Variants in PROCA1 observed in about 807,000 individuals in gnomAD.
PROCA1 encodes the protein protein interacting with cyclin A1.
In PROCA1, 22 loss-of-function variants were observed where a neutral mutation model predicts 23.2. The ratio of observed to expected loss-of-function variants is 0.95; its 90% CI spans 0.68 to 1.35. PROCA1 has a LOEUF of 1.35. Ranked by LOEUF, PROCA1 falls within the 40% of genes most tolerant of loss-of-function variation. The pLI is 0.00. For missense variants in PROCA1, 469 were observed against 459.8 expected, an observed-to-expected ratio of 1.02 and a Z score of -0.18; for synonymous variants, 182 against 179.2, an observed-to-expected ratio of 1.02 and a Z score of -0.12.
chr17:28,710,178 C>T (rs549544557), intron 1 of PROCA1, among the ~76,000 whole-genome samples: 6 of 151,852 alleles, frequency 4.0e-5, no homozygotes, highest in Admixed American at 1.3e-4. Context: ...AACTCCTCTG[C>T]CTTGCTGTTT....
In PROCA1 at chr17:28,703,315, C is replaced by T. The variant is rs2032215707; in HGVS notation, c.*243G>A. 1.9e-6 allele frequency: 1 copy of T among 536,118 alleles called. No individual in the cohort carries two copies. Among genetic ancestry groups the T allele is most frequent in the East Asian group, 3.1e-5 (1 of 32,266 alleles). The allele number at this position is 536,118 out of a possible 1,614,324, so 33.2% of individuals were successfully genotyped here. On this transcript the variant is annotated 3_prime_UTR_variant, in exon 5 of 5. Coordinates refer to ENST00000682792, the MANE Select transcript of PROCA1 (RefSeq NM_001366301.1). ...AGAGGGGAAGCCCTCCTTCCCACCCCAGATACACTCTTCCACCTTGTCCTA... is the reference window on the plus strand; with the variant it reads ...AGAGGGGAAGCCCTCCTTCCCACCCTAGATACACTCTTCCACCTTGTCCTA...
In PROCA1 at chr17:28,704,841, C is replaced by G; in HGVS notation, c.178G>C (p.Asp60His). ...CAGCACTTGTCAGGCTCCTTGCAGT[C>G]ACCTGAGGGGGCAGGAGTCTGGGTC... ...STDVSTFSEG[D>H]CKEPDKCCWR... The change falls in exon 3 of 5, where the codon GAC becomes CAC. Residue 60 changes from aspartate (D) to histidine (H), a missense_variant and splice_region_variant. Transcript: ENST00000682792. The G allele has an allele frequency of 6.2e-7, 1 of 1,612,172 alleles. No homozygotes were observed. The highest frequency in any genetic ancestry group is 8.5e-7 in the Non-Finnish European group (1 of 1,179,750).
chr17:28,711,524 G>A lies in PROCA1; in HGVS notation c.91+46C>T, dbSNP rs778593411. The A allele has an allele frequency of 9.2e-6, 14 of 1,514,704 alleles. No individual in the cohort carries two copies. In the Admixed American group the frequency reaches 1.4e-4, roughly 15 times the overall value. The allele number at this position is 1,514,704 out of a possible 1,614,324, so 93.8% of individuals were successfully genotyped here. ...CCCGCGTGCGCCGCTCGGGGTCTGC[G>A]AGCCGGGCCGCGCCCTCTGCCCAGC... is the stretch of plus-strand genomic sequence containing the variant. On this transcript the variant is annotated intron_variant, in intron 1 of 4. Coordinates refer to ENST00000682792, the MANE Select transcript of PROCA1 (RefSeq NM_001366301.1).
At chr17:28,711,059 G>A (rs2032757549) in intron 1 of PROCA1, 2 of 1,179,360 alleles carry the variant, frequency 1.7e-6, no homozygotes, top group African/African-American at 1.6e-5. Context: ...AGCAAGGGAG[G>A]GGCAGTGCGC....
chr17:28,711,652 G>C lies in PROCA1; in HGVS notation c.9C>G (p.Val3=). Residue 3 remains valine, a synonymous_variant, in exon 1 of 5, where the codon GTC becomes GTG. Transcript: ENST00000682792. ...ATCTTTCAATTGTGAGCGTCGTCCTGACCCACATCGCTCTCCGCCCAGGTC... is the reference window on the plus strand; with the variant it reads ...ATCTTTCAATTGTGAGCGTCGTCCTCACCCACATCGCTCTCCGCCCAGGTC... MW[V]RTTLTIERWT... is the part of the protein sequence containing the mutation. The C allele has an allele frequency of 6.2e-7, 1 of 1,612,198 alleles. No individual in the cohort carries two copies. The highest frequency in any genetic ancestry group is 2.2e-5 in the East Asian group (1 of 44,578).
intron 1 of PROCA1, among the ~76,000 whole-genome samples, chr17:28,709,815 G>A (rs1336835279): frequency 1.3e-5 from 2 of 151,562 alleles, no homozygotes; most frequent in Non-Finnish European, 2.9e-5. Flanking sequence ...TGGTCAACAT[G>A]GTGAAATCCC....
At chr17:28,711,039 A>T in intron 1 of PROCA1, 1 of 1,195,814 alleles carries the variant, frequency 8.4e-7, no homozygotes, top group Non-Finnish European at 1.1e-6. Flanking sequence ...GGAAGGAGGG[A>T]AGAGGAGGAA....
Position 28,706,770 on chromosome 17 carries a change from G to C in PROCA1, c.92-7C>G, listed in dbSNP as rs1310723946. 1.5e-6 allele frequency: 2 copies of C among 1,303,588 alleles called. No homozygotes were observed. Among genetic ancestry groups the C allele is most frequent in the Non-Finnish European group, 2.0e-6 (2 of 988,876 alleles). 80.8% of individuals were successfully genotyped at this position (1,303,588 alleles called of 1,614,324 possible). On this transcript the variant is annotated splice_polypyrimidine_tract_variant and splice_region_variant and intron_variant, in intron 1 of 4. Transcript: ENST00000682792. ...CTGGGTAACCTGTTTACATCTGAGAGAGCATAGAGTGGCAGTGGTGGCAGC... is the reference window on the plus strand; with the variant it reads ...CTGGGTAACCTGTTTACATCTGAGACAGCATAGAGTGGCAGTGGTGGCAGC...
In PROCA1 at chr17:28,703,926, CT is replaced by C; in HGVS notation, c.726del (p.Glu243ArgfsTer13). ...TCATCCATCTCCTCCTTGTCTTTCT[CT>C]TTTTCCTTTTTCTTCTTTACCTTCT... Reference protein sequence around the residue: ...VIKKVKKKKEKEKDKEEMDEK... With the variant: ...VIKKVKKKKEXEKDKEEMDEK... On this transcript the variant is annotated frameshift_variant, in exon 5 of 5. Transcript: ENST00000682792. LOFTEE classifies it high-confidence loss of function. The C allele has an allele frequency of 6.2e-7, 1 of 1,613,554 alleles. No individual in the cohort carries two copies. The highest frequency in any genetic ancestry group is 8.5e-7 in the Non-Finnish European group (1 of 1,179,826).
At chr17:28,707,338 CT>C (rs2032560411) in intron 1 of PROCA1, 1 of 153,110 alleles carries the variant, frequency 6.5e-6, no homozygotes, top group Non-Finnish European at 1.5e-5. Context: ...GGAAGGGAAA[CT>C]GATTGCTTGG....
rs1248597964 is a variant in PROCA1 at position 28,703,660 on chromosome 17, T to A, written c.993A>T (p.Arg331Ser). Reference sequence around the variant, plus strand: ...TCTTTTTGGCCTGGACTGTGTTCTCTCTCTTCCTGGGCGATGATGATTCCA... The same window carrying A: ...TCTTTTTGGCCTGGACTGTGTTCTCACTCTTCCTGGGCGATGATGATTCCA... ...DIVESSSPRK[R>S]ENTVQAKKTG... Residue 331 changes from arginine to serine, a missense_variant, in exon 5 of 5, where the codon AGA (arginine) becomes AGT (serine). Transcript: ENST00000682792. 6.2e-7 allele frequency: 1 copy of A among 1,614,222 alleles called. No individual in the cohort carries two copies. Among genetic ancestry groups the A allele is most frequent in the Admixed American group, 1.7e-5 (1 of 60,028 alleles).
In PROCA1 at chr17:28,704,091, G is replaced by A. The variant is rs1410536539; in HGVS notation, c.562C>T (p.Pro188Ser). ...EEEEESKPPI[P>S]TQVGPATASP... ...GCGGTGGCGGGCCCCACCTGTGTCG[G>A]GATGGGGGGCTTGCTTTCCTCCTCC... Residue 188 changes from proline to serine, a missense_variant, in exon 5 of 5, where the codon CCG (proline) becomes TCG (serine). Coordinates refer to ENST00000682792, the MANE Select transcript of PROCA1 (RefSeq NM_001366301.1). 1.9e-6 allele frequency: 3 copies of A among 1,587,138 alleles called. No individual in the cohort carries two copies. The highest frequency in any genetic ancestry group is 2.6e-6 in the Non-Finnish European group (3 of 1,170,976).
Position 28,703,783 on chromosome 17 carries a change from G to T in PROCA1, c.870C>A (p.Ala290=). 6.2e-7 allele frequency: 1 copy of T among 1,614,146 alleles called. No homozygotes were observed. The highest frequency in any genetic ancestry group is 8.5e-7 in the Non-Finnish European group (1 of 1,180,046). ...TTTCTGGGCTGGACTCGGACATCCT[G>T]GCCAGCTGTCTTGCGCTTAATGATC... The part of the protein sequence containing the change: ...VSRSLSARQL[A]RMSESSPESR... Residue 290 remains alanine (A), a synonymous_variant, in exon 5 of 5, where the codon GCC becomes GCA. Transcript: ENST00000682792.
intron 2 of PROCA1, chr17:28,706,063 C>T (rs2032459521): frequency 6.5e-6 from 1 of 152,908 alleles, no homozygotes; most frequent in East Asian, 1.9e-4. Flanking sequence ...ACCCACATTT[C>T]TTCCTCCTTC....
At chr17:28,711,539 C>G (rs2032785930) in intron 1 of PROCA1, 31 bp downstream of exon 1, 1 of 1,572,478 alleles carries the variant, frequency 6.4e-7, no homozygotes, top group Non-Finnish European at 8.6e-7. Context: ...GGGCCGCGCC[C>G]TCTGCCCAGC....
In PROCA1 at chr17:28,703,874, T is replaced by C. The variant is rs2032269067; in HGVS notation, c.779A>G (p.Lys260Arg). ...TTTCTTCTTAGTCAACTGGCCTTTC[T>C]TGGCTTTTTTCTTCAGCTTTGCCTT... Reference protein sequence around the residue: ...DEKAKLKKKAKKGQLTKKKSP... With the variant: ...DEKAKLKKKARKGQLTKKKSP... Residue 260 changes from lysine to arginine, a missense_variant, in exon 5 of 5, where the codon AAG (lysine) becomes AGG (arginine). By Grantham distance (26) the Lys-to-Arg change is conservative (BLOSUM62 2). Transcript: ENST00000682792. The C allele has an allele frequency of 1.2e-6, 2 of 1,614,054 alleles. No homozygotes were observed. Among genetic ancestry groups the C allele is most frequent in the Middle Eastern group, 1.6e-4 (1 of 6,084 alleles).
chr17:28,711,482 C>A (rs2032781872), intron 1 of PROCA1, 88 bp downstream of exon 1: 5 of 1,121,742 alleles, frequency 4.5e-6, no homozygotes, highest in Non-Finnish European at 5.0e-6. Flanking sequence ...CCGTCTCCCT[C>A]GTCGGTTTGC....
intron 2 of PROCA1, chr17:28,706,141 C>G (rs1410692752): frequency 6.4e-6 from 1 of 156,586 alleles, no homozygotes; most frequent in East Asian, 1.9e-4. Context: ...TGATCTGTGT[C>G]TCTCTCCTCC....
rs200077519 is a variant in PROCA1, at chr17:28,706,667, C to T, written c.175+13G>A. On this transcript the variant is annotated intron_variant, in intron 2 of 4. Coordinates refer to ENST00000682792, the MANE Select transcript of PROCA1 (RefSeq NM_001366301.1). ...GATGAGGATCCCCTGGGTCAAAGGTCTCCTGGACCCACCTTCAGAGAAGGT... is the reference window on the plus strand; with the variant it reads ...GATGAGGATCCCCTGGGTCAAAGGTTTCCTGGACCCACCTTCAGAGAAGGT... 1.2e-5 allele frequency: 16 copies of T among 1,302,276 alleles called. No individual in the cohort carries two copies. The highest frequency in any genetic ancestry group is 1.2e-5 in the South Asian group (1 of 80,944). 80.7% of individuals were successfully genotyped at this position (1,302,276 alleles called of 1,614,324 possible).
Sources: allele counts gnomAD v4.1 joint callset (sites outside exome capture counted in the v4.1 genomes callset), GRCh38; gene constraint gnomAD v4.1.1; transcripts MANE v1.5; gene names NCBI Gene and HGNC (gene_info 2026-07-23, HGNC 2026-07-21).